The following PASK variants were observed in gnomAD, a reference collection of about 807,000 sequenced individuals.
PASK encodes PAS domain containing serine/threonine kinase, also known as PAS domain-containing serine/threonine-protein kinase.
Under a neutral mutation model 121.0 loss-of-function variants are expected in PASK, and 110 were observed. That is an observed-to-expected ratio of 0.91 (90% CI 0.78 to 1.06). The LOEUF (loss-of-function observed/expected upper bound fraction) is 1.06. PASK is among the 50% of genes least tolerant of loss of function. The pLI is 0.00. For synonymous variants in PASK, 686 were observed against 717.8 expected (o/e 0.96, Z 0.71); for missense variants, 1,643 against 1,702.3 (o/e 0.97, Z 0.61).
Position 241,112,189 on chromosome 2 carries a change from G to A in PASK, c.3533+51C>T. On this transcript the variant is annotated intron_variant, in intron 15 of 17. Coordinates refer to ENST00000234040, the MANE Select transcript of PASK (RefSeq NM_015148.4). This position sits in a 1 kb window ranked among gnomAD's most constrained non-coding sequence, Gnocchi z 5.2. ...CCCACCCAAAATCAAGCCACCCTCA[G>A]GGTCCTGACAGAGGACACGAGGACG... 4.9e-6 allele frequency: 7 copies of A among 1,416,520 alleles called. No individual in the cohort carries two copies. Among genetic ancestry groups the A allele is most frequent in the Non-Finnish European group, 7.0e-6 (7 of 1,000,290 alleles). 87.7% of individuals were successfully genotyped at this position (1,416,520 alleles called of 1,614,324 possible).
chr2:241,140,207 C>G (rs919637833), intron 3 of PASK, 152 bp from the exon 4 acceptor site: 110 of 568,830 alleles, frequency 1.9e-4, no homozygotes, highest in Admixed American at 8.9e-5. Flanking sequence ...GTGGCGCAAT[C>G]AGAGCTCACT....
At chr2:241,129,343 G>A (rs546082236) in intron 9 of PASK, among the ~76,000 whole-genome samples, 9 of 152,096 alleles carry the variant, frequency 5.9e-5, no homozygotes, top group Admixed American at 2.0e-4. Context: ...CTGGGTCCAC[G>A]GCCCTTCCAT....
rs756448938 is a variant in PASK, at chr2:241,112,223, C to T, written c.3533+17G>A. On this transcript the variant is annotated intron_variant, in intron 15 of 17. Coordinates refer to ENST00000234040, the MANE Select transcript of PASK (RefSeq NM_015148.4). This position sits in a 1 kb window ranked among gnomAD's most constrained non-coding sequence, Gnocchi z 5.2. ...CAGAGGACACGAGGACGGGCCGCAC[C>T]GCAGCCGCATACGTACGGATTCCCC... 10 of 1,602,480 alleles carry T rather than the reference C, an allele frequency of 6.2e-6. No individual in the cohort carries two copies. The Admixed American group carries it at 6.7e-5, about 11-fold the overall frequency.
intron 2 of PASK, 59 bp downstream of exon 2, chr2:241,142,778 G>C (rs1442077336): frequency 7.8e-7 from 1 of 1,276,074 alleles, no homozygotes; most frequent in African/African-American, 1.5e-5. Flanking sequence ...TGAGAACACA[G>C]AGCAACTCCA....
At chr2:241,150,157 C>G (rs887213448), upstream of PASK, 1 of 1,273,274 alleles carries the variant, frequency 7.9e-7, no homozygotes, top group East Asian at 3.5e-5. Flanking sequence ...AGTCAACTCT[C>G]AAGCCCAGGG....
At chr2:241,144,499 T>C (rs375365505) in intron 1 of PASK, among the ~76,000 whole-genome samples, 6 of 152,130 alleles carry the variant, frequency 3.9e-5, no homozygotes, top group East Asian at 1.9e-4. Flanking sequence ...ACACCCCATA[T>C]ACCCTCTTCT....
At chr2:241,149,551 G>A (rs567751035), upstream of PASK, 743 of 1,100,626 alleles carry the variant, frequency 6.8e-4, no homozygotes, top group Non-Finnish European at 8.7e-4. Flanking sequence ...GCGCGTATGG[G>A]CGGGACTAAG....
At chr2:241,116,972 C>G (rs756349632) in intron 12 of PASK, among the ~76,000 whole-genome samples, 1 of 152,204 alleles carries the variant, frequency 6.6e-6, no homozygotes, top group South Asian at 2.1e-4. Flanking sequence ...GAGTGAGTCC[C>G]GGGAAGGCAG....
Position 241,127,106 on chromosome 2 carries a change from C to T in PASK, c.1809G>A (p.Gly603=). The change falls in exon 10 of 18, where the codon GGG becomes GGA. Residue 603 remains glycine, a synonymous_variant. Coordinates refer to ENST00000234040, the MANE Select transcript of PASK (RefSeq NM_015148.4). ...AAGGGCAGTGCATCAGGAGGCTGCC[C>T]CCCGCCAGCTGACCCTTGGCCTGGG... ...AKPQAKGQLA[G]GSLLMHCPCY... 3 of 1,614,060 alleles carry T rather than the reference C, an allele frequency of 1.9e-6. No homozygotes were observed. The highest frequency in any genetic ancestry group is 2.5e-6 in the Non-Finnish European group (3 of 1,180,018).
upstream of PASK, chr2:241,149,910 C>T (rs955071035): frequency 1.4e-6 from 2 of 1,434,206 alleles, no homozygotes; most frequent in South Asian, 1.5e-5. Flanking sequence ...GCAAGTGCCC[C>T]GCACCTGCCC....
Position 241,108,271 on chromosome 2 carries a change from G to A in PASK, c.3563C>T (p.Ser1188Phe). ...CAGCGTGTACAGAGTGACTCCCAGA[G>A]ACCACATCTCCAGCTCCGGCCCTCT... ...PYRGPELEMWSLGVTLYTLVF... is the reference protein window; with the variant it reads ...PYRGPELEMWFLGVTLYTLVF... Residue 1188 changes from serine (S) to phenylalanine (F), a missense_variant, in exon 16 of 18, where the codon TCT (serine) becomes TTT (phenylalanine). Transcript: ENST00000234040. The surrounding 1 kb of genome is among the most constrained non-coding windows in gnomAD (Gnocchi z 5.2). 5.6e-6 allele frequency: 9 copies of A among 1,614,020 alleles called. No homozygotes were observed. The highest frequency in any genetic ancestry group is 7.6e-6 in the Non-Finnish European group (9 of 1,179,922).
At chr2:241,138,287 C>T (rs1559395330) in intron 5 of PASK, among the ~76,000 whole-genome samples, 200 bp from the exon 6 acceptor site, 1 of 152,236 alleles carries the variant, frequency 6.6e-6, no homozygotes, top group East Asian at 1.9e-4. Context: ...AATTGTGGGC[C>T]TTCTTGTTCT....
In PASK at chr2:241,139,228, G is replaced by C. The variant is rs142032060; in HGVS notation, c.601-434C>G. Among the ~76,000 whole-genome samples the C allele has an allele frequency of 3.9e-4, 60 of 152,312 alleles. No homozygotes were observed. In the East Asian group the frequency reaches 0.011, roughly 27 times the overall value. ...TGTGTGAAAGCCACACACTAGGTGG[G>C]AAACAGGCAACCTGGAGGATCTGGA... On this transcript the variant is annotated intron_variant, in intron 4 of 17. Transcript: ENST00000234040.
chr2:241,122,718 C>A lies in PASK; in HGVS notation c.3072+14G>T, dbSNP rs6710783. The A allele has an allele frequency of 2.2e-3, 3,501 of 1,613,512 alleles. 75 individuals are homozygous for A. The African/African-American group carries it at 0.04, about 18-fold the overall frequency. On this transcript the variant is annotated intron_variant, in intron 12 of 17. Transcript: ENST00000234040. ...GTGGTGCCCGGCGCCACTCCCCCCC[C>A]ACAGCCAGGTTACCTCCTTGTTTTT...
intron 7 of PASK, 31 bp from the exon 8 acceptor site, chr2:241,136,070 C>G (rs900290079): frequency 5.0e-6 from 8 of 1,597,290 alleles, no homozygotes; most frequent in Middle Eastern, 3.3e-4. Context: ...ATTTCAGAAC[C>G]TGGAGGATCC....
rs999007937 is a variant in PASK, at chr2:241,148,116, C to T, written c.-43+1298G>A. On this transcript the variant is annotated intron_variant, in intron 1 of 17. Transcript: ENST00000234040. ...CCAGGCCCAAATTTTTAAAATTGTC[C>T]TTTGTATCCACTGTGAGCTGCAGAC... Among the ~76,000 whole-genome samples the T allele has an allele frequency of 9.2e-5, 14 of 152,142 alleles. 1 individual carries two copies. The highest frequency in any genetic ancestry group is 1.9e-4 in the Non-Finnish European group (13 of 68,032).
At chr2:241,135,650 A>G (rs1482323125) in intron 8 of PASK, among the ~76,000 whole-genome samples, 1 of 151,470 alleles carries the variant, frequency 6.6e-6, no homozygotes, top group Non-Finnish European at 1.5e-5. Context: ...GGGGTTTTCT[A>G]TTCTCTTCTC....
chr2:241,113,508 T>C (rs894723476), intron 14 of PASK: 1 of 158,386 alleles, frequency 6.3e-6, no homozygotes, highest in Non-Finnish European at 1.4e-5. Context: ...ACACATAACA[T>C]ATACTTGTAC....
chr2:241,143,711 G>C (rs1436571639), intron 1 of PASK, among the ~76,000 whole-genome samples: 1 of 152,152 alleles, frequency 6.6e-6, no homozygotes, highest in Non-Finnish European at 1.5e-5. Flanking sequence ...ATACTCCCAG[G>C]TCATGATGAA....
Sources: allele counts gnomAD v4.1 joint callset (sites outside exome capture counted in the v4.1 genomes callset), GRCh38; gene constraint gnomAD v4.1.1; non-coding constraint Gnocchi (gnomAD v3.1); transcripts MANE v1.5; gene names NCBI Gene and HGNC (gene_info 2026-07-23, HGNC 2026-07-21).